Variants in GCSAML observed in about 807,000 individuals in gnomAD.
The protein encoded by GCSAML is germinal center-associated signaling and motility-like protein.
GCSAML carries 9 observed loss-of-function variants against 13.0 expected under a neutral mutation model. The ratio of observed to expected loss-of-function variants is 0.69; its 90% CI spans 0.42 to 1.21. The LOEUF is 1.21. Among genes scored for constraint, GCSAML ranks in the 50% most tolerant of loss-of-function variants. The pLI, the probability that GCSAML is intolerant of heterozygous loss-of-function variation, is 0.00. For synonymous variants in GCSAML, 37 were observed against 52.9 expected, an observed-to-expected ratio of 0.70 and a Z score of 1.31; for missense variants, 143 against 153.4, an observed-to-expected ratio of 0.93 and a Z score of 0.36.
chr1:247,548,838 C>T (rs1358012343), upstream of GCSAML, among the ~76,000 whole-genome samples: 1 of 152,156 alleles, frequency 6.6e-6, no homozygotes, highest in African/African-American at 2.4e-5. This position sits in a 1 kb window ranked among gnomAD's most constrained non-coding sequence, Gnocchi z 5.3. Context: ...TACCTTGTTT[C>T]GTCTTGCAAT....
At chr1:247,531,440 T>C in intron 2 of GCSAML, 1 of 1,096,896 alleles carries the variant, frequency 9.1e-7, no homozygotes, top group Non-Finnish European at 1.3e-6. Flanking sequence ...TCCATCTACC[T>C]TGAGCTCAAA....
At chr1:247,534,875 A>C (rs1667155034) in intron 2 of GCSAML, among the ~76,000 whole-genome samples, 1 of 152,206 alleles carries the variant, frequency 6.6e-6, no homozygotes. Flanking sequence ...GCATTTGTTA[A>C]AATTCACACG....
chr1:247,575,577 T>A lies in GCSAML; in HGVS notation c.*1195T>A, dbSNP rs575191408. 6.6e-6 allele frequency: 1 copy of A among 152,314 alleles called. No individual in the cohort carries two copies. The highest frequency in any genetic ancestry group is 2.4e-5 in the African/African-American group (1 of 41,574). 9.4% of individuals were successfully genotyped at this position (152,314 alleles called of 1,614,324 possible). ...GCAGTAATAGTTCAAAAATTAATAG[T>A]TTTTGACATTGGCTTTTCTGAGAAG... On this transcript the variant is annotated 3_prime_UTR_variant, in exon 5 of 5. Coordinates refer to ENST00000366488, the MANE Select transcript of GCSAML (RefSeq NM_145278.5).
intron 1 of GCSAML, among the ~76,000 whole-genome samples, chr1:247,522,250 T>G (rs1262064892): frequency 1.8e-5 from 2 of 114,212 alleles, no homozygotes; most frequent in Non-Finnish European, 3.8e-5. Flanking sequence ...GGGAGGGAGG[T>G]GGGGGGCAGC....
Position 247,525,809 on chromosome 1 carries a change from G to C in GCSAML, c.-262-1131G>C, listed in dbSNP as rs1302243768. The C allele has an allele frequency of 2.0e-5, 3 of 152,142 alleles. No homozygotes were observed. In the East Asian group the frequency reaches 5.8e-4, roughly 29 times the overall value. 9.4% of individuals were successfully genotyped at this position (152,142 alleles called of 1,614,324 possible). On this transcript the variant is annotated intron_variant, in intron 1 of 5. Transcript: ENST00000366489. ...TATCTTAATTCTCTAATTCTGCCTT[G>C]GTCTTTCAGGTGCCCAGCTCCCATC...
At position 247,577,155 on chromosome 1, in the gene GCSAML, A is replaced by G. The variant is rs1243235578; in HGVS notation, c.*2773A>G. 1 of 152,238 alleles carries G rather than the reference A, an allele frequency of 6.6e-6. No individual in the cohort carries two copies. Among genetic ancestry groups the G allele is most frequent in the African/African-American group, 2.4e-5 (1 of 41,470 alleles). The allele number at this position is 152,238 out of a possible 1,614,324, so 9.4% of individuals were successfully genotyped here. A position where few individuals can be genotyped will look rare whatever the true frequency, so the allele number is the denominator to read the frequency against. ...GCTGTATAAGTGCTTTTTAACCTGT[A>G]AATTTTGTGAAGCTTATCTTTTATG... On this transcript the variant is annotated 3_prime_UTR_variant, in exon 5 of 5. Transcript: ENST00000366488.
rs752224743 is a variant in GCSAML, at chr1:247,527,965, T to C, written c.-148+911T>C. 6.6e-6 allele frequency: 1 copy of C among 152,140 alleles called. No homozygotes were observed. Among genetic ancestry groups the C allele is most frequent in the Non-Finnish European group, 1.5e-5 (1 of 68,024 alleles). 9.4% of individuals were successfully genotyped at this position (152,140 alleles called of 1,614,324 possible). A position where few individuals can be genotyped will look rare whatever the true frequency, so the allele number is the denominator to read the frequency against. On this transcript the variant is annotated intron_variant, in intron 2 of 5. Transcript: ENST00000366489. The surrounding 1 kb of genome is among the most constrained non-coding windows in gnomAD (Gnocchi z 4.6). ...TCTATGAGATCAACCCTTTTTTAGCTTTCACAGATGAATGAGAACATGCAG... is the reference window on the plus strand; with the variant it reads ...TCTATGAGATCAACCCTTTTTTAGCCTTCACAGATGAATGAGAACATGCAG...
At position 247,575,964 on chromosome 1, in the gene GCSAML, G is replaced by A. The variant is rs1668820859; in HGVS notation, c.*1582G>A. The A allele has an allele frequency of 1.3e-5, 2 of 152,156 alleles. No homozygotes were observed. The highest frequency in any genetic ancestry group is 2.9e-5 in the Non-Finnish European group (2 of 68,038). The allele number at this position is 152,156 out of a possible 1,614,324, so 9.4% of individuals were successfully genotyped here. On this transcript the variant is annotated 3_prime_UTR_variant, in exon 5 of 5. Transcript: ENST00000366488. ...TTATATATTTTTTTGTATAGTTACA[G>A]TATACGAGTTGAGTATCCCTTAGAT...
chr1:247,529,886 C>T (rs755315067), intron 2 of GCSAML: 11 of 152,146 alleles, frequency 7.2e-5, no homozygotes, highest in Non-Finnish European at 1.5e-4. Flanking sequence ...TGCCTCCAGA[C>T]TTTGAACTCA....
chr1:247,566,911 C>T (rs1668396688), intron 4 of GCSAML, among the ~76,000 whole-genome samples: 1 of 151,648 alleles, frequency 6.6e-6, no homozygotes. Context: ...TTACTGAGGT[C>T]TGATTGTTGC....
At chr1:247,508,738 G>A (rs1279656342) in intron 1 of GCSAML, among the ~76,000 whole-genome samples, 2 of 152,170 alleles carry the variant, frequency 1.3e-5, no homozygotes, top group African/African-American at 4.8e-5. Context: ...TGGCTAGCCA[G>A]TTTTCCCAGC....
At chr1:247,510,602 T>C (rs1280034762) in intron 1 of GCSAML, among the ~76,000 whole-genome samples, 2 of 152,086 alleles carry the variant, frequency 1.3e-5, no homozygotes, top group African/African-American at 4.8e-5. Flanking sequence ...AGAGTGTCGA[T>C]TTTAGATCTT....
intron 2 of GCSAML, among the ~76,000 whole-genome samples, chr1:247,563,048 C>T (rs894469409): frequency 2.0e-5 from 3 of 149,734 alleles, no homozygotes; most frequent in South Asian, 2.1e-4. Context: ...CGGGGTCTCA[C>T]CGTGTTGGCC....
At chr1:247,560,591 A>G (rs1668093148) in intron 2 of GCSAML, among the ~76,000 whole-genome samples, 1 of 151,950 alleles carries the variant, frequency 6.6e-6, no homozygotes, top group Non-Finnish European at 1.5e-5. Flanking sequence ...TCTTTATTTT[A>G]ATTTTTTTTC....
intron 2 of GCSAML, among the ~76,000 whole-genome samples, chr1:247,535,277 T>C (rs2103012516): frequency 6.6e-6 from 1 of 152,248 alleles, no homozygotes; most frequent in Admixed American, 6.5e-5. Context: ...ATTGTGCTAC[T>C]GCACTCCAGC....
rs1206985259 is a variant in GCSAML at position 247,575,649 on chromosome 1, T to C, written c.*1267T>C. The stretch of plus-strand genomic sequence containing the variant: ...ATAAAAAAAGATGAAATGAAGCATA[T>C]ATAATTGTCAATTTTTTCAATTTTC... On this transcript the variant is annotated 3_prime_UTR_variant, in exon 5 of 5. Coordinates refer to ENST00000366488, the MANE Select transcript of GCSAML (RefSeq NM_145278.5). 1 of 152,206 alleles carries C rather than the reference T, an allele frequency of 6.6e-6. No individual in the cohort carries two copies. Among genetic ancestry groups the C allele is most frequent in the Admixed American group, 6.5e-5 (1 of 15,282 alleles). The allele number at this position is 152,206 out of a possible 1,614,324, so 9.4% of individuals were successfully genotyped here.
intron 2 of GCSAML, 75 bp downstream of exon 2, chr1:247,556,541 C>G: frequency 9.5e-7 from 1 of 1,052,918 alleles, no homozygotes; most frequent in Non-Finnish European, 1.4e-6. Context: ...TCCAGAGTCT[C>G]TGCCCCACTA....
intron 2 of GCSAML, among the ~76,000 whole-genome samples, chr1:247,534,361 G>T (rs1276098618): frequency 6.6e-6 from 1 of 152,156 alleles, no homozygotes; most frequent in East Asian, 1.9e-4. Context: ...GTTCTGTGGG[G>T]TGGAAGAGGC....
chr1:247,572,790 C>T (rs375540698), intron 4 of GCSAML, among the ~76,000 whole-genome samples: 3 of 152,134 alleles, frequency 2.0e-5, no homozygotes, highest in African/African-American at 4.8e-5. Flanking sequence ...TGTTTAAGTC[C>T]GTTGAAGCTG....
Sources: allele counts gnomAD v4.1 joint callset (sites outside exome capture counted in the v4.1 genomes callset), GRCh38; gene constraint gnomAD v4.1.1; non-coding constraint Gnocchi (gnomAD v3.1); transcripts MANE v1.5; gene names NCBI Gene and HGNC (gene_info 2026-07-23, HGNC 2026-07-21).